Variants in CDH13 observed in about 807,000 individuals in gnomAD.
CDH13 encodes cadherin 13.
In CDH13, 24 loss-of-function variants were observed where a neutral mutation model predicts 63.8. The observed-to-expected ratio is 0.38, with a 90% CI of 0.27 to 0.53. The LOEUF is 0.53. Ranked by LOEUF, CDH13 falls within the 20% of genes least tolerant of loss-of-function variation. The probability of loss-of-function intolerance (pLI) is 0.85; values close to 1 mark genes in which losing one functional copy is unlikely to be tolerated. For missense variants in CDH13, 1,049 were observed against 903.1 expected (o/e 1.16, Z -2.07); for synonymous variants, 503 against 355.3 (o/e 1.42, Z -4.67).
At chr16:83,758,394 C>T (rs1913687977) in intron 11 of CDH13, among the ~76,000 whole-genome samples, 1 of 151,852 alleles carries the variant, frequency 6.6e-6, no homozygotes, top group African/African-American at 2.4e-5. Flanking sequence ...GAAAAAAATT[C>T]ATGTTGATTT....
chr16:83,122,698 T>A (rs1306392182), intron 3 of CDH13, among the ~76,000 whole-genome samples: 2 of 152,216 alleles, frequency 1.3e-5, no homozygotes, highest in Non-Finnish European at 2.9e-5. Context: ...TTTTAAAATT[T>A]TTTTTGAAGA....
At chr16:82,842,042 C>G (rs912569605) in intron 1 of CDH13, among the ~76,000 whole-genome samples, 12 of 147,200 alleles carry the variant, frequency 8.2e-5, no homozygotes, top group South Asian at 2.2e-4. Context: ...GAAGAATTCC[C>G]TCCCTCCCTG....
intron 8 of CDH13, among the ~76,000 whole-genome samples, chr16:83,627,127 CA>C (rs11407282): frequency 1.7e-4 from 25 of 145,566 alleles, no homozygotes; most frequent in Middle Eastern, 3.6e-3. Flanking sequence ...CACTAAAATA[CA>C]AAAAAAAAAA....
intron 10 of CDH13, among the ~76,000 whole-genome samples, chr16:83,722,959 A>G (rs1909892536): frequency 6.6e-6 from 1 of 152,244 alleles, no homozygotes; most frequent in South Asian, 2.1e-4. Context: ...GACAGGTGCC[A>G]TATTTCTGAG....
intron 11 of CDH13, among the ~76,000 whole-genome samples, chr16:83,757,952 G>A (rs1323240674): frequency 6.6e-6 from 1 of 151,756 alleles, no homozygotes; most frequent in Non-Finnish European, 1.5e-5. Context: ...ACATGACAAA[G>A]CCCCTTCTCT....
intron 2 of CDH13, among the ~76,000 whole-genome samples, chr16:82,934,233 C>G (rs958398031): frequency 6.6e-6 from 1 of 152,218 alleles, no homozygotes. Flanking sequence ...AACTCCAATT[C>G]TTGATTTCTG....
At chr16:82,845,707 C>T (rs990125836) in intron 1 of CDH13, among the ~76,000 whole-genome samples, 7 of 152,112 alleles carry the variant, frequency 4.6e-5, no homozygotes, top group Admixed American at 2.6e-4. Context: ...TATAGGGGCT[C>T]CTTTGTTTGA....
At chr16:83,210,791 C>T (rs993529163) in intron 4 of CDH13, among the ~76,000 whole-genome samples, 14 of 151,092 alleles carry the variant, frequency 9.3e-5, no homozygotes, top group Non-Finnish European at 1.8e-4. Context: ...AAATATACAA[C>T]GAAACGCCAC....
chr16:83,222,867 GT>G (rs1183938838), intron 5 of CDH13, among the ~76,000 whole-genome samples: 6 of 152,124 alleles, frequency 3.9e-5, no homozygotes, highest in Non-Finnish European at 7.4e-5. Flanking sequence ...CTAGGGCAAG[GT>G]TTTTCAACAG....
rs147425962 is a variant in CDH13, at chr16:83,709,377, T to C, written c.1538+30916T>C. On this transcript the variant is annotated intron_variant, in intron 10 of 13. Transcript: ENST00000567109. ...TTCATCTACTTTCTCTTCCAATCTA[T>C]GAGGGTTCCCCCAGCGGACTCCCTC... Among the ~76,000 whole-genome samples the C allele has an allele frequency of 2.7e-3, 416 of 152,326 alleles. 2 individuals carry two copies. The highest frequency in any genetic ancestry group is 9.3e-3 in the African/African-American group (388 of 41,582).
At chr16:83,093,293 A>ATTT (rs2034013228) in intron 3 of CDH13, among the ~76,000 whole-genome samples, 1 of 69,934 alleles carries the variant, frequency 1.4e-5, no homozygotes, top group Non-Finnish European at 3.0e-5. Context: ...CACCATAAGT[A>ATTT]CTTTTTTTTT....
chr16:83,767,363 A>C (rs1439745579), intron 11 of CDH13, among the ~76,000 whole-genome samples: 9 of 152,114 alleles, frequency 5.9e-5, no homozygotes. Context: ...AATAAGTCTC[A>C]AGAGATCTGA....
intron 4 of CDH13, chr16:83,180,869 G>C: frequency 6.6e-7 from 1 of 1,517,658 alleles, no homozygotes; most frequent in Non-Finnish European, 8.8e-7. Context: ...TTTTCTTACA[G>C]AGAACCCACA....
At chr16:83,560,029 C>G (rs993302498) in intron 7 of CDH13, among the ~76,000 whole-genome samples, 23 of 152,136 alleles carry the variant, frequency 1.5e-4, no homozygotes, top group Admixed American at 2.6e-4. Flanking sequence ...TCATGAAACC[C>G]TCATCGCTTC....
chr16:82,662,666 A>G (rs1443595818), intron 1 of CDH13, among the ~76,000 whole-genome samples: 17 of 152,222 alleles, frequency 1.1e-4, no homozygotes, highest in Admixed American at 7.8e-4. Context: ...ATAATTATTC[A>G]TAGGACCTCT....
chr16:83,673,526 C>T (rs941999863), intron 9 of CDH13, among the ~76,000 whole-genome samples: 3 of 152,102 alleles, frequency 2.0e-5, no homozygotes, highest in African/African-American at 7.2e-5. Context: ...CTAGTGACTA[C>T]CAGCCTATTA....
At chr16:82,663,510 C>T (rs1015246263) in intron 1 of CDH13, among the ~76,000 whole-genome samples, 8 of 152,132 alleles carry the variant, frequency 5.3e-5, no homozygotes, top group South Asian at 2.1e-4. Flanking sequence ...ACACAGTCCC[C>T]TGTATGTCTC....
chr16:82,797,472 C>G (rs1167889997), intron 1 of CDH13, among the ~76,000 whole-genome samples: 6 of 152,152 alleles, frequency 3.9e-5, no homozygotes, highest in Non-Finnish European at 7.4e-5. Context: ...CCTCAAGACC[C>G]CAGCAAGCTT....
chr16:83,060,399 G>C (rs1317949849), intron 3 of CDH13, among the ~76,000 whole-genome samples: 1 of 152,096 alleles, frequency 6.6e-6, no homozygotes, highest in African/African-American at 2.4e-5. Flanking sequence ...ATAAATTGCA[G>C]GCCTTCTTTG....
Sources: gnomAD v4.1 joint callset for allele counts (sites outside exome capture counted in the v4.1 genomes callset) on GRCh38, gnomAD v4.1.1 for gene constraint, MANE v1.5 for transcripts, NCBI Gene and HGNC (gene_info 2026-07-23, HGNC 2026-07-21) for gene names.